The following COLEC10 variants were observed in gnomAD, a reference collection of about 807,000 sequenced individuals.
The protein encoded by COLEC10 is collectin-10.
In COLEC10, 22 loss-of-function variants were observed where a neutral mutation model predicts 28.4. The observed-to-expected ratio is 0.78, with a 90% confidence interval of 0.55 to 1.11. The LOEUF (loss-of-function observed/expected upper bound fraction) is 1.11. Among genes scored for constraint, COLEC10 ranks in the 50% least tolerant of loss-of-function variants. COLEC10 has a pLI of 0.00. For synonymous variants in COLEC10, 125 were observed against 116.1 expected, an observed-to-expected ratio of 1.08 and a Z score of -0.49; for missense variants, 361 against 344.1, an observed-to-expected ratio of 1.05 and a Z score of -0.39.
the COLEC10 span, among the ~76,000 whole-genome samples, chr8:118,988,819 C>G: frequency 6.6e-6 from 1 of 152,212 alleles, no homozygotes; most frequent in Non-Finnish European, 1.5e-5. Flanking sequence ...ACACCTATAG[C>G]TACAACAAAT....
At chr8:119,081,123 A>G (rs1398789706) in intron 1 of COLEC10, among the ~76,000 whole-genome samples, 6 of 152,082 alleles carry the variant, frequency 3.9e-5, no homozygotes, top group Admixed American at 6.6e-5. Flanking sequence ...CCTAAGGCAA[A>G]TTAGGGTATG....
In COLEC10 at chr8:119,102,421, C is replaced by G; in HGVS notation, c.346+20C>G. ...AAGCAGGTACGATATGTTCAATGTT[C>G]TCTTTGATTTCTAGCATGATTCCAA... is the stretch of plus-strand genomic sequence containing the variant. On this transcript the variant is annotated intron_variant, in intron 4 of 5. Transcript: ENST00000332843. 6.3e-7 allele frequency: 1 copy of G among 1,581,762 alleles called. No individual in the cohort carries two copies. The highest frequency in any genetic ancestry group is 1.2e-5 in the South Asian group (1 of 86,004).
In COLEC10 at chr8:119,107,091, T is replaced by C. The variant is rs1396961031; in HGVS notation, c.*900T>C. Among the ~76,000 whole-genome samples the C allele has an allele frequency of 2.0e-5, 3 of 152,194 alleles. No individual in the cohort carries two copies. Among genetic ancestry groups the C allele is most frequent in the Non-Finnish European group, 2.9e-5 (2 of 68,032 alleles). ...GCATCAATTTTATTCACCTTAGGCA[T>C]AGGGAATGAGGGAAGGAGTTTGTGA... On this transcript the variant is annotated 3_prime_UTR_variant, in exon 6 of 6. Transcript: ENST00000332843.
chr8:118,992,328 A>G (rs1424170388), upstream of COLEC10, among the ~76,000 whole-genome samples: 1 of 152,110 alleles, frequency 6.6e-6, no homozygotes, highest in Non-Finnish European at 1.5e-5. Context: ...GAAAAGCTTT[A>G]GGGGTCATTT....
chr8:119,104,197 TA>T (rs1815894951), intron 5 of COLEC10, among the ~76,000 whole-genome samples: 1 of 152,062 alleles, frequency 6.6e-6, no homozygotes, highest in Non-Finnish European at 1.5e-5. Context: ...AAAGAGACAG[TA>T]AGAGTCACAC....
At chr8:118,981,357 C>T in the COLEC10 span, among the ~76,000 whole-genome samples, 1 of 151,858 alleles carries the variant, frequency 6.6e-6, no homozygotes, top group Non-Finnish European at 1.5e-5. Flanking sequence ...ATGTTGCTTC[C>T]CTATGTCTAT....
rs1260563271 is a variant in COLEC10 at position 119,062,179 on chromosome 8, G to A, written n.236-27501G>A. Among the ~76,000 whole-genome samples the A allele has an allele frequency of 5.3e-5, 8 of 152,098 alleles. No individual in the cohort carries two copies. The East Asian group carries it at 1.5e-3, about 29-fold the overall frequency. On this transcript the variant is annotated intron_variant and non_coding_transcript_variant, in intron 2 of 6. Transcript: ENST00000521788. Reference sequence around the variant, plus strand: ...TAATATTAAGTTACTAGGATTAAAAGAAGGAAAATATGTGTGGAAGATGTA... The same window carrying A: ...TAATATTAAGTTACTAGGATTAAAAAAAGGAAAATATGTGTGGAAGATGTA...
the COLEC10 span, among the ~76,000 whole-genome samples, chr8:118,971,037 G>A: frequency 9.2e-5 from 14 of 151,958 alleles, no homozygotes; most frequent in South Asian, 2.1e-4. Context: ...GTAAAAACAC[G>A]TGACTTAAGG....
intron 1 of COLEC10, among the ~76,000 whole-genome samples, chr8:118,996,274 C>T (rs772156257): frequency 1.3e-5 from 2 of 152,168 alleles, no homozygotes; most frequent in South Asian, 2.1e-4. Context: ...ATTCACACAA[C>T]CATGATAGAG....
chr8:119,064,514 T>A (rs1404904509), upstream of COLEC10, among the ~76,000 whole-genome samples: 1 of 152,198 alleles, frequency 6.6e-6, no homozygotes, highest in Non-Finnish European at 1.5e-5. Context: ...TTAGAAACAA[T>A]GTTAAATATG....
At chr8:119,080,281 C>A (rs1052564990) in intron 1 of COLEC10, among the ~76,000 whole-genome samples, 25 of 152,170 alleles carry the variant, frequency 1.6e-4, no homozygotes, top group Admixed American at 1.2e-3. Flanking sequence ...AGCTTGGTAG[C>A]TAGTAGAAAT....
At chr8:118,984,826 G>A in the COLEC10 span, among the ~76,000 whole-genome samples, 1 of 152,120 alleles carries the variant, frequency 6.6e-6, no homozygotes, top group Non-Finnish European at 1.5e-5. Context: ...GTTCCATGTG[G>A]CTGAAGAAGC....
chr8:118,957,757 C>A, the COLEC10 span, among the ~76,000 whole-genome samples: 13 of 152,320 alleles, frequency 8.5e-5, no homozygotes, highest in Admixed American at 6.5e-4. Flanking sequence ...AATGAATTCT[C>A]TAGCCAATCC....
rs1034942371 is a variant in COLEC10 at position 118,998,842 on chromosome 8, G to A, written n.122+3269G>A. 2.0e-3 allele frequency among the ~76,000 whole-genome samples: 87 copies of A among 44,152 alleles called. No individual in the cohort carries two copies. In the East Asian group the frequency reaches 0.02, roughly 10 times the overall value. 29.0% of individuals were successfully genotyped at this position (44,152 alleles called of 152,430 possible). On this transcript the variant is annotated intron_variant and non_coding_transcript_variant, in intron 1 of 6. Coordinates refer to the COLEC10 transcript ENST00000521788. ...AGCCTGGGTGACAGAACGAGACTCC[G>A]TCTCAAAAAAAAAAAAAAAAAAAAA...
At chr8:119,088,599 CTCCTTTCA>C (rs2130275632) in intron 1 of COLEC10, among the ~76,000 whole-genome samples, 1 of 152,266 alleles carries the variant, frequency 6.6e-6, no homozygotes, top group Admixed American at 6.5e-5. Flanking sequence ...TTTGATTTTC[CTCCTTTCA>C]TCTGCTGATG....
chr8:119,030,037 T>G (rs1005998428), intron 2 of COLEC10, among the ~76,000 whole-genome samples: 13 of 152,204 alleles, frequency 8.5e-5, no homozygotes, highest in Non-Finnish European at 1.6e-4. Context: ...GGCCTGTCCC[T>G]GTAAAGCCGA....
intron 2 of COLEC10, among the ~76,000 whole-genome samples, chr8:119,024,579 T>C (rs77044407): frequency 6.6e-6 from 1 of 150,748 alleles, no homozygotes; most frequent in South Asian, 2.1e-4. Context: ...TATGCACACA[T>C]ACACACACAC....
chr8:119,012,074 A>C (rs553198813), intron 2 of COLEC10, among the ~76,000 whole-genome samples: 4 of 150,986 alleles, frequency 2.6e-5, no homozygotes, highest in Admixed American at 2.6e-4. Context: ...GTTTCTCACC[A>C]GTAAGTACGA....
intron 1 of COLEC10, among the ~76,000 whole-genome samples, chr8:119,071,331 G>T (rs576019386): frequency 6.6e-6 from 1 of 152,240 alleles, no homozygotes; most frequent in South Asian, 2.1e-4. Flanking sequence ...TGACATTTTT[G>T]TGTGTGTGAC....
Sources: allele counts gnomAD v4.1 joint callset (sites outside exome capture counted in the v4.1 genomes callset), GRCh38; gene constraint gnomAD v4.1.1; transcripts MANE v1.5; gene names NCBI Gene and HGNC (gene_info 2026-07-23, HGNC 2026-07-21).